Variants in WWOX observed in about 807,000 individuals in gnomAD.
WWOX encodes the protein WW domain-containing oxidoreductase.
Under a neutral mutation model 46.2 loss-of-function variants are expected in WWOX, and 69 were observed. The observed-to-expected ratio is 1.49, with a 90% CI of 1.23 to 1.82. The LOEUF is 1.82. Ranked by LOEUF, WWOX falls within the 40% of genes most tolerant of loss-of-function variation. WWOX has a pLI of 0.00. For synonymous variants in WWOX, 359 were observed against 202.6 expected (o/e 1.77, Z -6.56); for missense variants, 919 against 542.6 (o/e 1.69, Z -6.89).
At chr16:78,538,971 A>G (rs1345502532) in intron 8 of WWOX, among the ~76,000 whole-genome samples, 2 of 152,210 alleles carry the variant, frequency 1.3e-5, no homozygotes, top group African/African-American at 4.8e-5. Flanking sequence ...AAACCAAGCA[A>G]TGCCCTTTCA....
chr16:78,626,909 A>C (rs901340959), intron 8 of WWOX, among the ~76,000 whole-genome samples: 1 of 152,110 alleles, frequency 6.6e-6, no homozygotes, highest in Non-Finnish European at 1.5e-5. Context: ...AGATGGAACA[A>C]TTTGGTCTTC....
At chr16:78,934,517 A>AG (rs2045694977) in intron 8 of WWOX, among the ~76,000 whole-genome samples, 1 of 149,954 alleles carries the variant, frequency 6.7e-6, no homozygotes, top group Non-Finnish European at 1.5e-5. Flanking sequence ...TCAAAAAAAA[A>AG]AAAAAAAAAA....
chr16:78,227,292 G>A (rs879731407), intron 5 of WWOX, among the ~76,000 whole-genome samples: 4 of 152,162 alleles, frequency 2.6e-5, no homozygotes, highest in Non-Finnish European at 5.9e-5. Context: ...ATTTAATGGA[G>A]TTTTATCTTC....
chr16:78,269,511 C>T (rs985320771), intron 5 of WWOX, among the ~76,000 whole-genome samples: 2 of 152,094 alleles, frequency 1.3e-5, no homozygotes, highest in African/African-American at 2.4e-5. Context: ...ACACAGGGAG[C>T]GAAATCAAGA....
chr16:78,808,891 G>A (rs1193005818), intron 8 of WWOX, among the ~76,000 whole-genome samples: 1 of 152,068 alleles, frequency 6.6e-6, no homozygotes, highest in Middle Eastern at 3.2e-3. Context: ...TGGCTTGGTG[G>A]AGCCATCTAA....
At position 78,793,136 on chromosome 16, in the gene WWOX, A is replaced by G. The variant is rs113036390; in HGVS notation, c.1056+360384A>G. ...TGCTCAGGCTGGAGTGAAGTGATGCAATCTCAGGTCACTGCAACTGCTGTC... is the reference window on the plus strand; with the variant it reads ...TGCTCAGGCTGGAGTGAAGTGATGCGATCTCAGGTCACTGCAACTGCTGTC... On this transcript the variant is annotated intron_variant, in intron 8 of 8. Coordinates refer to ENST00000566780, the MANE Select transcript of WWOX (RefSeq NM_016373.4). Among the ~76,000 whole-genome samples the G allele has an allele frequency of 9.3e-3, 1,419 of 152,262 alleles. 20 individuals are homozygous for G. The highest frequency in any genetic ancestry group is 0.032 in the African/African-American group (1,345 of 41,558).
At chr16:78,663,306 G>T (rs969541644) in intron 8 of WWOX, among the ~76,000 whole-genome samples, 1 of 152,124 alleles carries the variant, frequency 6.6e-6, no homozygotes, top group Non-Finnish European at 1.5e-5. Flanking sequence ...GTTATTTCAT[G>T]TATTAATATT....
chr16:78,411,840 G>A (rs774137640), intron 6 of WWOX, among the ~76,000 whole-genome samples: 9 of 152,190 alleles, frequency 5.9e-5, no homozygotes, highest in Non-Finnish European at 1.0e-4. Flanking sequence ...GCTGAGCCTG[G>A]GATGGGGATT....
At chr16:78,967,397 C>A (rs868860836) in intron 8 of WWOX, among the ~76,000 whole-genome samples, 1 of 150,086 alleles carries the variant, frequency 6.7e-6, no homozygotes, top group African/African-American at 2.5e-5. Context: ...TTTCCACCCA[C>A]CTCAGCCTCC....
At chr16:78,176,884 G>A (rs1023097136) in intron 5 of WWOX, among the ~76,000 whole-genome samples, 7 of 152,304 alleles carry the variant, frequency 4.6e-5, no homozygotes, top group South Asian at 2.1e-4. Flanking sequence ...AGTGGTCTCC[G>A]TGGTGTTTCA....
chr16:78,112,074 C>G (rs1438873808), intron 3 of WWOX: 3 of 152,316 alleles, frequency 2.0e-5, no homozygotes, highest in African/African-American at 4.8e-5. Context: ...CTCCTTATCT[C>G]TTTGTCTTGT....
At chr16:78,188,715 C>G (rs2035787713) in intron 5 of WWOX, among the ~76,000 whole-genome samples, 1 of 151,976 alleles carries the variant, frequency 6.6e-6, no homozygotes. Flanking sequence ...AAACCACTGG[C>G]TTACATAAAG....
intron 8 of WWOX, among the ~76,000 whole-genome samples, chr16:78,770,711 C>G (rs1462049183): frequency 7.5e-6 from 1 of 133,372 alleles, no homozygotes; most frequent in Non-Finnish European, 1.6e-5. Flanking sequence ...CCTATGGGAG[C>G]TTCGCACCAG....
In WWOX at chr16:78,722,472, A is replaced by AG. The variant is rs966314474; in HGVS notation, c.1056+289722dup. Among the ~76,000 whole-genome samples the AG allele has an allele frequency of 1.2e-3, 188 of 152,330 alleles. 1 individual carries two copies. The highest frequency in any genetic ancestry group is 4.4e-3 in the African/African-American group (181 of 41,570). On this transcript the variant is annotated intron_variant, in intron 8 of 8. Transcript: ENST00000566780. ...GTACTTGGCATAGTTCCTGTCACAT[A>AG]GGAAGCATCCAGTAAGTAGTGGTAT...
chr16:78,698,813 C>G lies in WWOX; in HGVS notation c.1056+266061C>G, dbSNP rs951243169. Reference sequence around the variant, plus strand: ...CTATGACTATACCTGTGACTAGCCACTGCACTCCAGCTGGGCAACATGGTG... The same window carrying G: ...CTATGACTATACCTGTGACTAGCCAGTGCACTCCAGCTGGGCAACATGGTG... On this transcript the variant is annotated intron_variant, in intron 8 of 8. Transcript: ENST00000566780. 3.0e-4 allele frequency among the ~76,000 whole-genome samples: 46 copies of G among 152,176 alleles called. 1 individual carries two copies. Among genetic ancestry groups the G allele is most frequent in the African/African-American group, 1.1e-3 (46 of 41,438 alleles).
intron 8 of WWOX, among the ~76,000 whole-genome samples, chr16:79,054,466 G>A (rs1281238403): frequency 1.3e-5 from 2 of 152,114 alleles, no homozygotes; most frequent in Admixed American, 6.5e-5. Context: ...CAAAATGCGC[G>A]TGTTGCAATT....
intron 5 of WWOX, among the ~76,000 whole-genome samples, chr16:78,263,026 C>T (rs1291501160): frequency 1.3e-5 from 2 of 152,178 alleles, no homozygotes; most frequent in Non-Finnish European, 2.9e-5. Context: ...CATCCCTTGG[C>T]TCTGCTTTCC....
At chr16:78,223,841 T>G (rs372899623) in intron 5 of WWOX, among the ~76,000 whole-genome samples, 120 of 152,284 alleles carry the variant, frequency 7.9e-4, no homozygotes, top group African/African-American at 2.6e-3. Flanking sequence ...GCCATTTACA[T>G]GTCAAGACTA....
In WWOX at chr16:78,182,966, AAG is replaced by A. The variant is rs1276096993; in HGVS notation, c.516+18679_516+18680del. On this transcript the variant is annotated intron_variant, in intron 5 of 8. Transcript: ENST00000566780. Reference sequence around the variant, plus strand: ...AATCTGTCTCAAAAAAAAAAAAAAAAAGAAAGAAAGAAAGCAAAGGTTTTTTC... The same window carrying A: ...AATCTGTCTCAAAAAAAAAAAAAAAAAAAGAAAGAAAGCAAAGGTTTTTTC... 3.5e-3 allele frequency among the ~76,000 whole-genome samples: 501 copies of A among 143,774 alleles called. 7 individuals are homozygous for A. Among genetic ancestry groups the A allele is most frequent in the Middle Eastern group, 0.011 (3 of 270 alleles). The allele number at this position is 143,774 out of a possible 152,430, so 94.3% of individuals were successfully genotyped here. A position where few individuals can be genotyped will look rare whatever the true frequency, so the allele number is the denominator to read the frequency against.
Sources: allele counts gnomAD v4.1 joint callset (sites outside exome capture counted in the v4.1 genomes callset), GRCh38; gene constraint gnomAD v4.1.1; transcripts MANE v1.5; gene names NCBI Gene and HGNC (gene_info 2026-07-23, HGNC 2026-07-21).